Variants in PAX5 observed in about 807,000 individuals in gnomAD.
PAX5 encodes paired box protein Pax-5.
In PAX5, 9 loss-of-function variants were observed where a neutral mutation model predicts 43.7. The ratio of observed to expected loss-of-function variants is 0.21; its 90% confidence interval spans 0.12 to 0.36. The LOEUF (loss-of-function observed/expected upper bound fraction) is 0.36. Among genes scored for constraint, PAX5 ranks in the 10% least tolerant of loss-of-function variants. PAX5 has a pLI of 1.00. For synonymous variants in PAX5, 228 were observed against 214.3 expected (o/e 1.06, Z -0.56); for missense variants, 383 against 532.7 (o/e 0.72, Z 2.77).
rs1587713803 is a variant in PAX5 at position 36,838,511 on chromosome 9, T to C, written c.*2049A>G. On this transcript the variant is annotated 3_prime_UTR_variant, in exon 10 of 10. Coordinates refer to ENST00000358127, the MANE Select transcript of PAX5 (RefSeq NM_016734.3). Reference sequence around the variant, plus strand: ...TGGGGGACTTAGGGAACAAAATACTTAGCGGTGGCCAGAGGAAGTCTGCTT... The same window carrying C: ...TGGGGGACTTAGGGAACAAAATACTCAGCGGTGGCCAGAGGAAGTCTGCTT... 3 of 232,824 alleles carry C rather than the reference T, an allele frequency of 1.3e-5. No individual in the cohort carries two copies. The highest frequency in any genetic ancestry group is 1.7e-5 in the Non-Finnish European group (2 of 117,790). 14.4% of individuals were successfully genotyped at this position (232,824 alleles called of 1,614,324 possible). A position where few individuals can be genotyped will look rare whatever the true frequency, so the allele number is the denominator to read the frequency against.
At chr9:36,970,460 G>T (rs1588114338) in intron 5 of PAX5, among the ~76,000 whole-genome samples, 2 of 152,272 alleles carry the variant, frequency 1.3e-5, no homozygotes, top group East Asian at 3.9e-4. Context: ...CCTTGCTGCA[G>T]GAGTCTTGAG....
At chr9:36,957,732 C>G (rs1396475738) in intron 6 of PAX5, among the ~76,000 whole-genome samples, 1 of 152,184 alleles carries the variant, frequency 6.6e-6, no homozygotes, top group Non-Finnish European at 1.5e-5. Context: ...AAGTCCTGAA[C>G]AAAAGCGCAT....
intron 7 of PAX5, among the ~76,000 whole-genome samples, chr9:36,896,326 C>T (rs775116575): frequency 2.6e-5 from 4 of 151,794 alleles, no homozygotes; most frequent in Admixed American, 6.6e-5. Flanking sequence ...CCAAGAAAGT[C>T]CAAACAGACA....
intron 6 of PAX5, among the ~76,000 whole-genome samples, chr9:36,937,402 C>A (rs1384515646): frequency 6.6e-6 from 1 of 152,202 alleles, no homozygotes; most frequent in Non-Finnish European, 1.5e-5. Flanking sequence ...CTGTTACTAA[C>A]CCCAACAAGT....
At chr9:36,957,517 A>G (rs1429014197) in intron 6 of PAX5, among the ~76,000 whole-genome samples, 1 of 152,274 alleles carries the variant, frequency 6.6e-6, no homozygotes, top group East Asian at 1.9e-4. Flanking sequence ...CAAAGCTCCA[A>G]CCAAACCCCA....
At chr9:37,011,321 A>G (rs1002675889) in intron 3 of PAX5, among the ~76,000 whole-genome samples, 8 of 151,976 alleles carry the variant, frequency 5.3e-5, no homozygotes, top group African/African-American at 1.9e-4. Flanking sequence ...AAGTTGGGAG[A>G]TTTTTCATAA....
At chr9:36,948,134 T>G (rs369251608) in intron 6 of PAX5, among the ~76,000 whole-genome samples, 1 of 152,334 alleles carries the variant, frequency 6.6e-6, no homozygotes, top group Middle Eastern at 3.4e-3. Flanking sequence ...GAGAAACTGA[T>G]GCTGAGTGAG....
rs112181339 is a variant in PAX5, at chr9:36,887,806, C to T, written c.911-5701G>A. ...TTCATCAAAATTAAAAGCTTTTGTG[C>T]TTCAAAGGATACTACCAAGAAAGTG... On this transcript the variant is annotated intron_variant, in intron 7 of 9. Transcript: ENST00000358127. 4.7e-4 allele frequency among the ~76,000 whole-genome samples: 71 copies of T among 152,226 alleles called. No homozygotes were observed. In the Middle Eastern group the frequency reaches 0.01, roughly 22 times the overall value.
chr9:36,879,012 AG>A (rs1418904446), intron 8 of PAX5, among the ~76,000 whole-genome samples: 1 of 152,182 alleles, frequency 6.6e-6, no homozygotes, highest in Non-Finnish European at 1.5e-5. Flanking sequence ...AGGGAGAGAG[AG>A]AAGGAAGAAG....
intron 8 of PAX5, 94 bp downstream of exon 8, chr9:36,881,910 G>C (rs1826451457): frequency 3.3e-6 from 3 of 906,996 alleles, no homozygotes; most frequent in Non-Finnish European, 5.3e-6. Flanking sequence ...CTTCTCAGAA[G>C]CGTAGAGGTC....
chr9:36,980,238 GTC>G (rs528407215), intron 5 of PAX5, among the ~76,000 whole-genome samples: 38 of 152,364 alleles, frequency 2.5e-4, no homozygotes, highest in Admixed American at 2.0e-3. Flanking sequence ...CAGCATGAGA[GTC>G]TCTGGAGGAG....
At chr9:36,852,319 G>A (rs17391260) in intron 8 of PAX5, among the ~76,000 whole-genome samples, 27,961 of 152,146 alleles carry the variant, frequency 0.18, 3,062 homozygotes, top group Middle Eastern at 0.26. Context: ...TGACAGAACC[G>A]GAAGGGATTG....
At position 36,901,402 on chromosome 9, in the gene PAX5, C is replaced by T. The variant is rs545515333; in HGVS notation, c.911-19297G>A. Among the ~76,000 whole-genome samples, 8 of 152,224 alleles carry T rather than the reference C, an allele frequency of 5.3e-5. No homozygotes were observed. In the South Asian group the frequency reaches 1.5e-3, roughly 28 times the overall value. Reference sequence around the variant, plus strand: ...CCACCCAGCCTCGGGAAGTGGCCCCCGTTGTGCACCTGTGACATCTGTCAC... The same window carrying T: ...CCACCCAGCCTCGGGAAGTGGCCCCTGTTGTGCACCTGTGACATCTGTCAC... On this transcript the variant is annotated intron_variant, in intron 7 of 9. Transcript: ENST00000358127.
chr9:36,869,832 A>G (rs1326430974), intron 8 of PAX5, among the ~76,000 whole-genome samples: 3 of 145,896 alleles, frequency 2.1e-5, no homozygotes, highest in Non-Finnish European at 4.5e-5. Flanking sequence ...GGATGAATAG[A>G]TGGATGGATG....
chr9:36,845,361 G>A (rs1460054518), intron 9 of PAX5, among the ~76,000 whole-genome samples: 2 of 152,178 alleles, frequency 1.3e-5, no homozygotes, highest in Admixed American at 6.5e-5. Flanking sequence ...TGTTTCCTAA[G>A]ACAGACGTCT....
At chr9:36,963,678 TG>T (rs1420146577) in intron 6 of PAX5, among the ~76,000 whole-genome samples, 1 of 152,180 alleles carries the variant, frequency 6.6e-6, no homozygotes, top group Non-Finnish European at 1.5e-5. Context: ...GCAGGCTGCG[TG>T]GTCTTCCTGG....
intron 6 of PAX5, among the ~76,000 whole-genome samples, chr9:36,939,532 T>C (rs1831855662): frequency 6.6e-6 from 1 of 152,246 alleles, no homozygotes; most frequent in Admixed American, 6.5e-5. Flanking sequence ...GTTTGTCTTT[T>C]ATACATATAA....
intron 7 of PAX5, among the ~76,000 whole-genome samples, chr9:36,892,187 C>T (rs534219136): frequency 3.9e-5 from 6 of 152,314 alleles, no homozygotes; most frequent in East Asian, 1.9e-4. Flanking sequence ...CCTGCCACGA[C>T]GGGGACTGCT....
At chr9:36,907,777 G>A (rs1828943095) in intron 7 of PAX5, among the ~76,000 whole-genome samples, 1 of 152,176 alleles carries the variant, frequency 6.6e-6, no homozygotes, top group Admixed American at 6.5e-5. Context: ...GTTTCTTTAT[G>A]CACAGCAAAG....
Sources: gnomAD v4.1 joint callset for allele counts (sites outside exome capture counted in the v4.1 genomes callset) on GRCh38, gnomAD v4.1.1 for gene constraint, MANE v1.5 for transcripts, NCBI Gene and HGNC (gene_info 2026-07-23, HGNC 2026-07-21) for gene names.